The following GSPT1 variants were observed in gnomAD, a reference collection of about 807,000 sequenced individuals.
GSPT1 encodes eukaryotic peptide chain release factor GTP-binding subunit ERF3A.
A neutral mutation model predicts 72.5 loss-of-function variants in GSPT1; 20 were observed. The observed-to-expected ratio is 0.28, with a 90% CI of 0.19 to 0.40. The LOEUF (loss-of-function observed/expected upper bound fraction) is 0.40. Among genes scored for constraint, GSPT1 ranks in the 10% least tolerant of loss-of-function variants. The pLI is 1.00. For synonymous variants in GSPT1, 334 were observed against 293.5 expected (o/e 1.14, Z -1.41); for missense variants, 580 against 811.9 (o/e 0.71, Z 3.47).
intron 5 of GSPT1, among the ~76,000 whole-genome samples, chr16:11,893,188 A>T (rs2054291592): frequency 6.6e-6 from 1 of 152,048 alleles, no homozygotes; most frequent in Admixed American, 6.6e-5. Flanking sequence ...TGAGCACAGG[A>T]ATTTGAAGCT....
At chr16:11,882,145 G>A (rs1174870562) in intron 11 of GSPT1, 4 of 152,256 alleles carry the variant, frequency 2.6e-5, no homozygotes, top group East Asian at 3.9e-4. Flanking sequence ...GCCAGATATG[G>A]TGATGCATGC....
rs2053963652 is a variant in GSPT1 at position 11,870,221 on chromosome 16, C to T, written c.*2898G>A. On this transcript the variant is annotated 3_prime_UTR_variant, in exon 15 of 15. Transcript: ENST00000434724. ...GTCCAACTCTTTTGGTTTGATTTTA[C>T]ATAGATTTTCACTTACTTCTGCAAA... The T allele has an allele frequency of 6.6e-6, 1 of 152,088 alleles. No individual in the cohort carries two copies. The highest frequency in any genetic ancestry group is 1.5e-5 in the Non-Finnish European group (1 of 68,018). The allele number at this position is 152,088 out of a possible 1,614,324, so 9.4% of individuals were successfully genotyped here.
At chr16:11,901,029 TC>T (rs1289161367) in intron 1 of GSPT1, among the ~76,000 whole-genome samples, 1 of 151,898 alleles carries the variant, frequency 6.6e-6, no homozygotes, top group Non-Finnish European at 1.5e-5. Context: ...CAAAAAACTG[TC>T]GGGAATGGCG....
In GSPT1 at chr16:11,877,572, C is replaced by T. The variant is rs1471876502; in HGVS notation, c.1437G>A (p.Val479=). The T allele has an allele frequency of 1.2e-5, 19 of 1,587,208 alleles. No homozygotes were observed. Among genetic ancestry groups the T allele is most frequent in the Non-Finnish European group, 1.6e-5 (19 of 1,169,750 alleles). Residue 479 remains valine (V), a synonymous_variant, in exon 12 of 15, where the codon GTG becomes GTA. Coordinates refer to ENST00000434724, the MANE Select transcript of GSPT1 (RefSeq NM_002094.4). The surrounding 1 kb of genome is among the most constrained non-coding windows in gnomAD (Gnocchi z 4.0). ...CATCGGAAAGTATTCCAAGAACTTC[C>T]ACGTTGTGCTTTAAAAGAAAACAAG... ...QLVMMPNKHN[V]EVLGILSDDV...
intron 1 of GSPT1, among the ~76,000 whole-genome samples, chr16:11,905,956 A>C (rs1293276873): frequency 6.6e-6 from 1 of 152,260 alleles, no homozygotes; most frequent in Non-Finnish European, 1.5e-5. Context: ...TCTCTACTTC[A>C]GTAGTCTCAA....
intron 1 of GSPT1, among the ~76,000 whole-genome samples, chr16:11,901,407 A>C (rs1166181870): frequency 6.6e-6 from 1 of 152,170 alleles, no homozygotes; most frequent in Non-Finnish European, 1.5e-5. Flanking sequence ...GAACCCTCTC[A>C]AGGAATGAAA....
chr16:11,907,156 TATGACAAATGTCATTCTGCTAC>T (rs1174162282), intron 1 of GSPT1, among the ~76,000 whole-genome samples: 1 of 152,208 alleles, frequency 6.6e-6, no homozygotes, highest in Non-Finnish European at 1.5e-5. Context: ...ACTGCCTACT[TATGACAAATGTCATTCTGCTAC>T]TACTGAGACA....
In GSPT1 at chr16:11,913,772, T is replaced by C. The variant is rs557339216; in HGVS notation, c.352+1597A>G. Among the ~76,000 whole-genome samples the C allele has an allele frequency of 2.0e-5, 3 of 152,312 alleles. No individual in the cohort carries two copies. In the South Asian group the frequency reaches 6.2e-4, roughly 32 times the overall value. On this transcript the variant is annotated intron_variant, in intron 1 of 14. Coordinates refer to ENST00000434724, the MANE Select transcript of GSPT1 (RefSeq NM_002094.4). Reference sequence around the variant, plus strand: ...GGCAGTCAAAATGGCTTGATGTAAGTCAAGAATTACAAGCTAAGCTTCCTT... The same window carrying C: ...GGCAGTCAAAATGGCTTGATGTAAGCCAAGAATTACAAGCTAAGCTTCCTT...
intron 6 of GSPT1, among the ~76,000 whole-genome samples, chr16:11,889,194 G>A (rs749146158): frequency 1.1e-4 from 16 of 151,844 alleles, no homozygotes; most frequent in Admixed American, 3.3e-4. Context: ...TGTAGTCCCA[G>A]CTACTTGGGA....
chr16:11,878,729 T>C (rs2054079543), intron 11 of GSPT1, among the ~76,000 whole-genome samples: 1 of 151,982 alleles, frequency 6.6e-6, no homozygotes, highest in African/African-American at 2.4e-5. Context: ...ACAAGTGACC[T>C]GAGAGGAGAT....
chr16:11,916,113 C>T (rs2054634897), upstream of GSPT1: 3 of 439,022 alleles, frequency 6.8e-6, no homozygotes, highest in South Asian at 1.6e-5. Context: ...GGTGGAACTA[C>T]AAGTTCCGGC....
Position 11,874,293 on chromosome 16 carries a change from T to TA in GSPT1, c.1862-1123dup, listed in dbSNP as rs35780761. On this transcript the variant is annotated intron_variant, in intron 14 of 14. Transcript: ENST00000434724. ...GGAAATTGTATCTCAATAAAGCTGC[T>TA]AAAAAAAAAAATCCCAAAACCTATC... Among the ~76,000 whole-genome samples, 118 of 145,664 alleles carry TA rather than the reference T, an allele frequency of 8.1e-4. 1 individual carries two copies. The highest frequency in any genetic ancestry group is 7.3e-3 in the East Asian group (37 of 5,078).
At chr16:11,898,881 A>G (rs1384619810) in intron 1 of GSPT1, among the ~76,000 whole-genome samples, 1 of 152,218 alleles carries the variant, frequency 6.6e-6, no homozygotes, top group Non-Finnish European at 1.5e-5. Flanking sequence ...TCTGCAGAAA[A>G]GGTGATTCCA....
In GSPT1 at chr16:11,900,099, G is replaced by A. The variant is rs564313777; in HGVS notation, c.353-2064C>T. Among the ~76,000 whole-genome samples the A allele has an allele frequency of 5.9e-5, 9 of 152,132 alleles. No individual in the cohort carries two copies. The East Asian group carries it at 1.2e-3, about 20-fold the overall frequency. On this transcript the variant is annotated intron_variant, in intron 1 of 14. Coordinates refer to ENST00000434724, the MANE Select transcript of GSPT1 (RefSeq NM_002094.4). ...CTGTAATCCCAACACTTTGGGAGGC[G>A]GAAGCGGGGGGATCATTTGAGTTCG...
chr16:11,893,372 G>A (rs148235528), intron 5 of GSPT1, among the ~76,000 whole-genome samples: 8 of 151,848 alleles, frequency 5.3e-5, no homozygotes, highest in East Asian at 3.9e-4. Flanking sequence ...TGATCCTTCC[G>A]CCTTGGCCTC....
At chr16:11,875,175 C>G (rs948920556) in intron 14 of GSPT1, among the ~76,000 whole-genome samples, 1 of 149,744 alleles carries the variant, frequency 6.7e-6, no homozygotes, top group African/African-American at 2.5e-5. Context: ...GGTGACAGAT[C>G]GAGACTCCAT....
At chr16:11,892,557 G>GGTGGCTCA (rs2054280550) in intron 5 of GSPT1, among the ~76,000 whole-genome samples, 1 of 147,298 alleles carries the variant, frequency 6.8e-6, no homozygotes, top group South Asian at 2.1e-4. Flanking sequence ...GGCCGGGCAC[G>GGTGGCTCA]GTGGCTCAGG....
upstream of GSPT1, chr16:11,915,973 A>T (rs765980646): frequency 5.6e-6 from 4 of 713,726 alleles, no homozygotes; most frequent in East Asian, 1.1e-4. Context: ...CCTCCCACCC[A>T]ACCACCTCCG....
chr16:11,893,639 T>C (rs2054297909), intron 5 of GSPT1, among the ~76,000 whole-genome samples: 1 of 152,190 alleles, frequency 6.6e-6, no homozygotes, highest in Admixed American at 6.5e-5. Flanking sequence ...GTTCTCCACG[T>C]AGACATCTAT....
Sources: gnomAD v4.1 joint callset for allele counts (sites outside exome capture counted in the v4.1 genomes callset) on GRCh38, gnomAD v4.1.1 for gene constraint, Gnocchi (gnomAD v3.1) non-coding constraint, MANE v1.5 for transcripts, NCBI Gene and HGNC (gene_info 2026-07-23, HGNC 2026-07-21) for gene names.